The following ACACA variants were observed in gnomAD, a reference collection of about 807,000 sequenced individuals.
ACACA encodes the protein acetyl-CoA carboxylase alpha, also known as acetyl-CoA carboxylase 1.
Under a neutral mutation model 296.1 loss-of-function variants are expected in ACACA, and 103 were observed. The observed-to-expected ratio is 0.35, with a 90% confidence interval of 0.30 to 0.41. ACACA has a LOEUF of 0.41. ACACA is among the 10% of genes least tolerant of loss of function. The probability of loss-of-function intolerance (pLI) is 1.00; values close to 1 mark genes in which losing one functional copy is unlikely to be tolerated. For synonymous variants in ACACA, 953 were observed against 1,038.6 expected (o/e 0.92, Z 1.58); for missense variants, 1,554 against 2,989.7 (o/e 0.52, Z 11.20).
chr17:37,201,364 C>T (rs556425140), intron 33 of ACACA, among the ~76,000 whole-genome samples: 1 of 151,698 alleles, frequency 6.6e-6, no homozygotes, highest in South Asian at 2.1e-4. Flanking sequence ...TCGTTTGAAC[C>T]AAGGAGGCAG....
intron 35 of ACACA, among the ~76,000 whole-genome samples, chr17:37,198,383 G>T (rs978974908): frequency 6.6e-6 from 1 of 152,080 alleles, no homozygotes; most frequent in African/African-American, 2.4e-5. Context: ...TTCTAAAGTC[G>T]GTGATAAAAA....
At chr17:37,194,808 A>G (rs555753761) in intron 35 of ACACA, among the ~76,000 whole-genome samples, 120 of 152,290 alleles carry the variant, frequency 7.9e-4, no homozygotes, top group Middle Eastern at 3.4e-3. Context: ...GTAAGACTGC[A>G]TTTAAAAGGT....
chr17:37,137,425 A>G (rs562434094), intron 45 of ACACA, among the ~76,000 whole-genome samples: 39 of 152,276 alleles, frequency 2.6e-4, no homozygotes, highest in African/African-American at 9.4e-4. Flanking sequence ...TTCCTTTAGA[A>G]CACATGAAAG....
rs1455461054 is a variant in ACACA, at chr17:37,359,464, C to G, written c.39-19614G>C. Among the ~76,000 whole-genome samples the G allele has an allele frequency of 3.9e-5, 6 of 152,068 alleles. No individual in the cohort carries two copies. In the East Asian group the frequency reaches 1.2e-3, roughly 30 times the overall value. On this transcript the variant is annotated intron_variant, in intron 1 of 55. Coordinates refer to ENST00000616317, the MANE Select transcript of ACACA (RefSeq NM_198834.3). Reference sequence around the variant, plus strand: ...CCCTGGGCAGTCGTGGCGCCCCTGGCCCGGCCTTCGCGGCCCCTTCTGCCA... The same window carrying G: ...CCCTGGGCAGTCGTGGCGCCCCTGGGCCGGCCTTCGCGGCCCCTTCTGCCA...
At chr17:37,244,369 G>GAA (rs10668354) in intron 21 of ACACA, among the ~76,000 whole-genome samples, 16,106 of 144,088 alleles carry the variant, frequency 0.11, 1,226 homozygotes, top group East Asian at 0.36. Context: ...CCGTCTCGAG[G>GAA]AAAAAAAAAA....
At chr17:37,204,756 T>G (rs1793302558) in intron 33 of ACACA, among the ~76,000 whole-genome samples, 1 of 152,178 alleles carries the variant, frequency 6.6e-6, no homozygotes, top group Admixed American at 6.5e-5. Flanking sequence ...CATTAGACAA[T>G]GAACACAGGT....
At position 37,113,508 on chromosome 17, in the gene ACACA, C is replaced by T. The variant is rs1567675688; in HGVS notation, c.6275-243G>A. On this transcript the variant is annotated intron_variant, in intron 50 of 55. Coordinates refer to ENST00000616317, the MANE Select transcript of ACACA (RefSeq NM_198834.3). The surrounding 1 kb of genome is among the most constrained non-coding windows in gnomAD (Gnocchi z 4.0). ...TCACAAGATACAGTGTGTAAGTCTTCCAGATTGCCTTTCCATTTTATATCC... is the reference window on the plus strand; with the variant it reads ...TCACAAGATACAGTGTGTAAGTCTTTCAGATTGCCTTTCCATTTTATATCC... Among the ~76,000 whole-genome samples the T allele has an allele frequency of 1.3e-5, 2 of 152,188 alleles. No homozygotes were observed. The highest frequency in any genetic ancestry group is 2.9e-5 in the Non-Finnish European group (2 of 68,024).
At chr17:37,378,569 T>C (rs1281939065) in intron 1 of ACACA, among the ~76,000 whole-genome samples, 1 of 151,974 alleles carries the variant, frequency 6.6e-6, no homozygotes, top group African/African-American at 2.4e-5. Context: ...AAAAATCAGC[T>C]GGATGTGGTG....
intron 2 of ACACA, among the ~76,000 whole-genome samples, chr17:37,332,339 A>G (rs745760763): frequency 1.3e-5 from 2 of 151,630 alleles, no homozygotes; most frequent in Non-Finnish European, 3.0e-5. Context: ...TAAAAACCAA[A>G]ATAAGAGCCC....
intron 3 of ACACA, among the ~76,000 whole-genome samples, chr17:37,302,257 C>T (rs1414957352): frequency 1.3e-5 from 2 of 149,236 alleles, no homozygotes; most frequent in Non-Finnish European, 3.0e-5. Flanking sequence ...GGCTGGAGTG[C>T]AATGGCGCGA....
chr17:37,350,006 G>C (rs1178116989), intron 1 of ACACA, among the ~76,000 whole-genome samples: 2 of 152,064 alleles, frequency 1.3e-5, no homozygotes, highest in Non-Finnish European at 2.9e-5. Flanking sequence ...GGTTTACTCT[G>C]TGTGTGCATC....
chr17:37,210,582 G>T, intron 29 of ACACA, 92 bp from the exon 30 acceptor site: 1 of 1,235,494 alleles, frequency 8.1e-7, no homozygotes, highest in Non-Finnish European at 1.2e-6. Flanking sequence ...GTCATGAGGA[G>T]CTCCAGTTTG....
At chr17:37,280,263 C>T (rs936423091) in intron 5 of ACACA, among the ~76,000 whole-genome samples, 2 of 152,174 alleles carry the variant, frequency 1.3e-5, no homozygotes, top group Non-Finnish European at 2.9e-5. Context: ...GACTGGAATG[C>T]AGTGGCATGG....
intron 52 of ACACA, among the ~76,000 whole-genome samples, chr17:37,105,488 C>T (rs1277178886): frequency 6.6e-6 from 1 of 151,432 alleles, no homozygotes; most frequent in South Asian, 2.1e-4. Flanking sequence ...AAAACAAAAA[C>T]AAAACCAAAA....
chr17:37,324,770 G>A (rs2047522192), intron 3 of ACACA, among the ~76,000 whole-genome samples: 1 of 149,304 alleles, frequency 6.7e-6, no homozygotes, highest in Admixed American at 6.7e-5. Flanking sequence ...GGGAGGCGGA[G>A]GTTGTGGTGA....
At chr17:37,314,950 C>CA (rs2047017205) in intron 3 of ACACA, among the ~76,000 whole-genome samples, 1 of 60,806 alleles carries the variant, frequency 1.6e-5, no homozygotes, top group Non-Finnish European at 2.7e-5. Context: ...GCCAGGAATG[C>CA]TTTTTTTTTT....
At position 37,295,370 on chromosome 17, in the gene ACACA, G is replaced by T. The variant is rs561115806; in HGVS notation, c.339-10400C>A. Among the ~76,000 whole-genome samples the T allele has an allele frequency of 4.0e-4, 61 of 152,326 alleles. 1 individual carries two copies. The South Asian group carries it at 9.9e-3, about 25-fold the overall frequency. On this transcript the variant is annotated intron_variant, in intron 3 of 55. Coordinates refer to ENST00000616317, the MANE Select transcript of ACACA (RefSeq NM_198834.3). ...AAACTTTGGGATTACCTCCTGGCTGGCTTGCCAAAATATGTTACCAGTGGA... is the reference window on the plus strand; with the variant it reads ...AAACTTTGGGATTACCTCCTGGCTGTCTTGCCAAAATATGTTACCAGTGGA...
chr17:37,167,149 A>T (rs1333771364), intron 41 of ACACA, among the ~76,000 whole-genome samples: 1 of 131,280 alleles, frequency 7.6e-6, no homozygotes, highest in Non-Finnish European at 1.6e-5. Context: ...TTTGGTACAG[A>T]TGGGGTTTCA....
At chr17:37,096,366 A>G (rs2072993426) in intron 54 of ACACA, among the ~76,000 whole-genome samples, 1 of 152,164 alleles carries the variant, frequency 6.6e-6, no homozygotes, top group Non-Finnish European at 1.5e-5. Flanking sequence ...AAACAGTTGC[A>G]GGATGTTCCT....
Sources: allele counts gnomAD v4.1 joint callset (sites outside exome capture counted in the v4.1 genomes callset), GRCh38; gene constraint gnomAD v4.1.1; non-coding constraint Gnocchi (gnomAD v3.1); transcripts MANE v1.5; gene names NCBI Gene and HGNC (gene_info 2026-07-23, HGNC 2026-07-21).